MEF2A: variants seen among roughly 807,000 people sequenced by gnomAD.
MEF2A encodes myocyte enhancer factor 2A.
A neutral mutation model predicts 55.8 loss-of-function variants in MEF2A; 28 were observed. The observed-to-expected ratio is 0.50, with a 90% CI of 0.37 to 0.69. MEF2A has a LOEUF of 0.69. MEF2A is among the 30% of genes least tolerant of loss of function. The pLI, the probability that MEF2A is intolerant of heterozygous loss-of-function variation, is 0.00. For missense variants in MEF2A, 528 were observed against 626.2 expected (o/e 0.84, Z 1.67); for synonymous variants, 239 against 227.1 (o/e 1.05, Z -0.47).
intron 1 of MEF2A, among the ~76,000 whole-genome samples, chr15:99,577,390 A>T (rs1402618667): frequency 4.3e-5 from 4 of 92,012 alleles, no homozygotes; most frequent in Non-Finnish European, 1.1e-4. Flanking sequence ...TATTCAGTCC[A>T]CTGGGCTAGG....
chr15:99,636,250 A>G (rs1473613442), intron 3 of MEF2A, among the ~76,000 whole-genome samples: 1 of 151,964 alleles, frequency 6.6e-6, no homozygotes, highest in African/African-American at 2.4e-5. Context: ...CTTTTTTCTT[A>G]TTAATATGCA....
chr15:99,647,729 ATTG>A (rs2046203416), intron 4 of MEF2A, among the ~76,000 whole-genome samples: 1 of 152,192 alleles, frequency 6.6e-6, no homozygotes, highest in Non-Finnish European at 1.5e-5. Context: ...TTTCTTTTTA[ATTG>A]CATTTCCTCA....
intron 1 of MEF2A, among the ~76,000 whole-genome samples, chr15:99,591,963 CT>C (rs960301605): frequency 7.2e-5 from 11 of 152,276 alleles, no homozygotes; most frequent in African/African-American, 2.4e-4. Context: ...GATTTCCCCC[CT>C]GGTGGTGTGG....
At chr15:99,637,114 C>T (rs1266954181) in intron 3 of MEF2A, among the ~76,000 whole-genome samples, 2 of 150,722 alleles carry the variant, frequency 1.3e-5, no homozygotes, top group Admixed American at 6.6e-5. Flanking sequence ...TGTAGTTCTG[C>T]ACCTTTTTTT....
intron 9 of MEF2A, 65 bp from the exon 10 acceptor site, chr15:99,706,664 A>G (rs2058073697): frequency 6.4e-7 from 1 of 1,551,434 alleles, no homozygotes. Flanking sequence ...ACTTAAATTG[A>G]AAGTGATTTT....
chr15:99,695,525 TAA>T (rs1378374705), intron 8 of MEF2A, among the ~76,000 whole-genome samples: 1 of 116,976 alleles, frequency 8.5e-6, no homozygotes, highest in Non-Finnish European at 2.0e-5. Flanking sequence ...AAGCGTCAGT[TAA>T]AAGATTGTCA....
At chr15:99,688,545 CAGG>C (rs1455480597) in intron 7 of MEF2A, among the ~76,000 whole-genome samples, 1 of 152,110 alleles carries the variant, frequency 6.6e-6, no homozygotes. Context: ...ATCATGAGGT[CAGG>C]AGATCAAGAC....
chr15:99,638,827 A>G (rs1326048901), intron 3 of MEF2A, among the ~76,000 whole-genome samples: 1 of 152,104 alleles, frequency 6.6e-6, no homozygotes, highest in Non-Finnish European at 1.5e-5. Flanking sequence ...GTCTTTTGAC[A>G]TGTCTAGTGG....
chr15:99,676,778 G>A (rs2052181045), intron 7 of MEF2A, among the ~76,000 whole-genome samples: 1 of 151,972 alleles, frequency 6.6e-6, no homozygotes, highest in African/African-American at 2.4e-5. Flanking sequence ...CACCGTGTTA[G>A]CCAGGATGGT....
chr15:99,659,125 G>A (rs995573692), intron 4 of MEF2A, among the ~76,000 whole-genome samples: 11 of 152,164 alleles, frequency 7.2e-5, no homozygotes, highest in African/African-American at 2.7e-4. Context: ...TGTCTGTGGT[G>A]CACTGAGAAT....
At chr15:99,690,459 T>G in intron 8 of MEF2A, 31 bp downstream of exon 8, 1 of 1,544,928 alleles carries the variant, frequency 6.5e-7, no homozygotes, top group Non-Finnish European at 8.8e-7. Flanking sequence ...ACTTCATTCT[T>G]TAAAACACAT....
At chr15:99,580,326 T>C (rs957370047) in intron 1 of MEF2A, among the ~76,000 whole-genome samples, 3 of 152,196 alleles carry the variant, frequency 2.0e-5, no homozygotes, top group Non-Finnish European at 4.4e-5. Flanking sequence ...TTCCTTTTCC[T>C]TTCTTGTTTT....
Position 99,710,700 on chromosome 15 carries a change from T to C in MEF2A, c.1076T>C (p.Leu359Pro). 1 of 1,613,528 alleles carries C rather than the reference T, an allele frequency of 6.2e-7. No individual in the cohort carries two copies. Among genetic ancestry groups the C allele is most frequent in the South Asian group, 1.1e-5 (1 of 91,078 alleles). ...TTCAACTCGCCAGGAATGCTGTCGC[T>C]GGGACAGGTGTCGGCCTGGCAGCAG... ...QGFNSPGMLS[L>P]GQVSAWQQHH... Residue 359 changes from leucine (L) to proline (P), a missense_variant, in exon 11 of 12, where the codon CTG becomes CCG. Leu to Pro is a moderately conservative substitution (Grantham distance 98). Coordinates refer to ENST00000557942, the MANE Select transcript of MEF2A (RefSeq NM_001319206.4).
intron 8 of MEF2A, among the ~76,000 whole-genome samples, chr15:99,691,840 T>A (rs555624880): frequency 3.3e-5 from 5 of 152,366 alleles, no homozygotes; most frequent in African/African-American, 1.2e-4. Context: ...GTATAAAGAA[T>A]GCAGGTAGCC....
chr15:99,708,596 ATGT>A (rs1260592364), intron 10 of MEF2A, among the ~76,000 whole-genome samples: 1 of 152,192 alleles, frequency 6.6e-6, no homozygotes, highest in Non-Finnish European at 1.5e-5. Flanking sequence ...GAAGTTTACC[ATGT>A]TGTTTTTAAC....
intron 2 of MEF2A, among the ~76,000 whole-genome samples, chr15:99,625,152 G>A (rs1026943873): frequency 2.6e-5 from 4 of 152,106 alleles, no homozygotes; most frequent in South Asian, 2.1e-4. Context: ...TCAATTTATG[G>A]TGGGTTTATA....
intron 4 of MEF2A, among the ~76,000 whole-genome samples, chr15:99,670,695 C>T (rs2050712291): frequency 6.6e-6 from 1 of 151,992 alleles, no homozygotes; most frequent in Middle Eastern, 3.4e-3. Flanking sequence ...CTCTGAATAA[C>T]TTTTGAGTGC....
At position 99,645,716 on chromosome 15, in the gene MEF2A, A is replaced by G. The variant is rs755889081; in HGVS notation, c.210A>G (p.Thr70=). 3.2e-5 allele frequency: 51 copies of G among 1,612,780 alleles called. No individual in the cohort carries two copies. Among genetic ancestry groups the G allele is most frequent in the Non-Finnish European group, 3.9e-5 (46 of 1,179,354 alleles). The part of the protein sequence containing the change: ...TDMDKVLLKY[T]EYNEPHESRT... ...TGGACAAAGTTCTTCTCAAGTATAC[A>G]GAATATAATGAACCTCATGAAAGCA... The change falls in exon 4 of 12, where the codon ACA becomes ACG. Residue 70 remains threonine (T), a synonymous_variant. Transcript: ENST00000557942.
intron 7 of MEF2A, among the ~76,000 whole-genome samples, chr15:99,679,960 C>T (rs189086316): frequency 2.0e-3 from 304 of 152,168 alleles, no homozygotes; most frequent in Non-Finnish European, 3.2e-3. Context: ...CTAGAGGTAG[C>T]CTTTGAGTCT....
Sources: allele counts gnomAD v4.1 joint callset (sites outside exome capture counted in the v4.1 genomes callset), GRCh38; gene constraint gnomAD v4.1.1; transcripts MANE v1.5; gene names NCBI Gene and HGNC (gene_info 2026-07-23, HGNC 2026-07-21).